AMPH: variants seen among roughly 807,000 people sequenced by gnomAD.
AMPH encodes the protein amphiphysin, also known as amphiphysin (Stiff-Mann syndrome with breast cancer 128kD autoantigen).
AMPH carries 49 observed loss-of-function variants against 99.1 expected under a neutral mutation model. The observed-to-expected ratio is 0.49, with a 90% CI of 0.39 to 0.63. The LOEUF (loss-of-function observed/expected upper bound fraction) is 0.63, where lower values mean the gene tolerates loss of function less well. Ranked by LOEUF, AMPH falls within the 20% of genes least tolerant of loss-of-function variation. The pLI is 0.00. For synonymous variants in AMPH, 314 were observed against 317.3 expected (o/e 0.99, Z 0.11); for missense variants, 759 against 863.4 (o/e 0.88, Z 1.52).
rs1554336944 is a variant in AMPH, at chr7:38,441,853, T to TATATATATCATATACATC, written c.1018-5466_1018-5465insGATGTATATGATATATAT. Among the ~76,000 whole-genome samples, 24 of 91,032 alleles carry TATATATATCATATACATC rather than the reference T, an allele frequency of 2.6e-4. 1 individual carries two copies. The highest frequency in any genetic ancestry group is 1.3e-3 in the African/African-American group (23 of 18,398). 59.7% of individuals were successfully genotyped at this position (91,032 alleles called of 152,430 possible). On this transcript the variant is annotated intron_variant, in intron 11 of 20. Transcript: ENST00000356264. ...TATATATCATATATCATATATATCA[T>TATATATATCATATACATC]ATATATCATATATATCATATATATA...
intron 11 of AMPH, among the ~76,000 whole-genome samples, chr7:38,460,407 C>G (rs1787394647): frequency 6.6e-6 from 1 of 152,140 alleles, no homozygotes; most frequent in African/African-American, 2.4e-5. Flanking sequence ...TATCACAGCA[C>G]TATTGATAAC....
At chr7:38,406,071 A>G (rs771772347) in intron 17 of AMPH, among the ~76,000 whole-genome samples, 5 of 152,206 alleles carry the variant, frequency 3.3e-5, no homozygotes, top group African/African-American at 7.2e-5. Context: ...GAGAAACTCT[A>G]AAAACCACAC....
chr7:38,392,377 C>CTATTT (rs1203584997), intron 18 of AMPH, among the ~76,000 whole-genome samples: 4 of 42,030 alleles, frequency 9.5e-5, no homozygotes, highest in Non-Finnish European at 1.6e-4. Flanking sequence ...CGGCCTGGTT[C>CTATTT]TTTTTTTTTT....
At chr7:38,472,336 G>A (rs1787916570) in intron 7 of AMPH, among the ~76,000 whole-genome samples, 1 of 152,044 alleles carries the variant, frequency 6.6e-6, no homozygotes, top group South Asian at 2.1e-4. Context: ...ATGACTAAAT[G>A]CAATCTCATT....
At chr7:38,521,241 C>G (rs1213630343) in intron 2 of AMPH, among the ~76,000 whole-genome samples, 1 of 152,128 alleles carries the variant, frequency 6.6e-6, no homozygotes, top group Non-Finnish European at 1.5e-5. Flanking sequence ...TATGTGTGGG[C>G]CGGGTGTGGT....
intron 1 of AMPH, among the ~76,000 whole-genome samples, chr7:38,630,190 G>A (rs1273257534): frequency 1.3e-5 from 2 of 152,230 alleles, no homozygotes; most frequent in African/African-American, 4.8e-5. Flanking sequence ...ATACTGCCAC[G>A]TGAAAGAGAA....
At chr7:38,440,563 A>C (rs2080287) in intron 11 of AMPH, among the ~76,000 whole-genome samples, 8,732 of 152,250 alleles carry the variant, frequency 0.057, 644 homozygotes, top group East Asian at 0.35. Context: ...GCTTATACAA[A>C]AATAATAACA....
chr7:38,589,611 T>G (rs1792781445), intron 1 of AMPH, among the ~76,000 whole-genome samples: 1 of 152,236 alleles, frequency 6.6e-6, no homozygotes, highest in East Asian at 1.9e-4. Context: ...CACAACAATT[T>G]TGTAGAATAC....
At chr7:38,628,592 AT>A (rs778080182) in intron 1 of AMPH, among the ~76,000 whole-genome samples, 3 of 152,248 alleles carry the variant, frequency 2.0e-5, no homozygotes, top group Non-Finnish European at 4.4e-5. Context: ...GTATAGAAGG[AT>A]GTTCATAATT....
chr7:38,563,099 T>C (rs896134459), intron 1 of AMPH, among the ~76,000 whole-genome samples: 7 of 152,104 alleles, frequency 4.6e-5, no homozygotes, highest in African/African-American at 1.7e-4. Context: ...TTCAGGCCTA[T>C]CACTACACAT....
chr7:38,400,775 T>C (rs966842798), intron 17 of AMPH, among the ~76,000 whole-genome samples: 2 of 152,234 alleles, frequency 1.3e-5, no homozygotes, highest in Non-Finnish European at 2.9e-5. Flanking sequence ...GACCAATGCC[T>C]GAAAGTAGTG....
intron 5 of AMPH, among the ~76,000 whole-genome samples, chr7:38,478,328 G>T (rs1324609204): frequency 6.6e-6 from 1 of 152,092 alleles, no homozygotes; most frequent in Non-Finnish European, 1.5e-5. Flanking sequence ...AAATATTACA[G>T]ATATTAAAAT....
chr7:38,467,530 A>T (rs970199201), intron 7 of AMPH, among the ~76,000 whole-genome samples: 9 of 152,098 alleles, frequency 5.9e-5, no homozygotes, highest in African/African-American at 2.2e-4. Flanking sequence ...CAAAGGACCT[A>T]TCCAACTCTG....
intron 3 of AMPH, among the ~76,000 whole-genome samples, chr7:38,501,946 ATCT>A (rs1296907532): frequency 3.3e-5 from 5 of 152,132 alleles, no homozygotes; most frequent in Non-Finnish European, 7.3e-5. Flanking sequence ...AAATGATAAA[ATCT>A]TCTTTTCAAT....
chr7:38,519,300 A>G (rs1009989148), intron 2 of AMPH, among the ~76,000 whole-genome samples: 2 of 152,266 alleles, frequency 1.3e-5, no homozygotes, highest in East Asian at 1.9e-4. Context: ...CGATGCAGAC[A>G]TGCACCAATT....
chr7:38,406,724 C>CCTCT (rs1785003611), intron 17 of AMPH, among the ~76,000 whole-genome samples: 15 of 86,394 alleles, frequency 1.7e-4, no homozygotes, highest in South Asian at 4.7e-4. Flanking sequence ...CTCTCTCTCT[C>CCTCT]CCTTTCCCTC....
intron 1 of AMPH, among the ~76,000 whole-genome samples, chr7:38,600,571 C>G (rs1206915177): frequency 6.6e-6 from 1 of 152,160 alleles, no homozygotes; most frequent in Non-Finnish European, 1.5e-5. Flanking sequence ...TGATTGGCTA[C>G]ACTTTTATGT....
At chr7:38,585,195 T>A (rs1792601636) in intron 1 of AMPH, among the ~76,000 whole-genome samples, 1 of 152,170 alleles carries the variant, frequency 6.6e-6, no homozygotes, top group Admixed American at 6.5e-5. Context: ...ATACCACTAT[T>A]ATTCCATTTT....
chr7:38,566,965 G>C (rs1453362763), intron 1 of AMPH, among the ~76,000 whole-genome samples: 7 of 152,218 alleles, frequency 4.6e-5, no homozygotes, highest in Non-Finnish European at 8.8e-5. Context: ...TTCAGCCATT[G>C]TGGAAGACAG....
Sources: gnomAD v4.1 joint callset for allele counts (sites outside exome capture counted in the v4.1 genomes callset) on GRCh38, gnomAD v4.1.1 for gene constraint, MANE v1.5 for transcripts, NCBI Gene and HGNC (gene_info 2026-07-23, HGNC 2026-07-21) for gene names.